The following TECPR2 variants were observed in gnomAD, a reference collection of about 807,000 sequenced individuals.
TECPR2 encodes the protein tectonin beta-propeller repeat containing 2, also known as tectonin beta-propeller repeat-containing protein 2.
TECPR2 carries 65 observed loss-of-function variants against 138.1 expected under a neutral mutation model. The observed-to-expected ratio is 0.47, with a 90% CI of 0.39 to 0.58. The LOEUF is 0.58. Ranked by LOEUF, TECPR2 falls within the 20% of genes least tolerant of loss-of-function variation. The probability of loss-of-function intolerance (pLI) is 0.00; values close to 1 mark genes in which losing one functional copy is unlikely to be tolerated. For missense variants in TECPR2, 1,553 were observed against 1,824.5 expected (o/e 0.85, Z 2.71); for synonymous variants, 746 against 749.8 (o/e 0.99, Z 0.08).
At chr14:102,495,265 G>A (rs967541649) in intron 17 of TECPR2, among the ~76,000 whole-genome samples, 1 of 152,212 alleles carries the variant, frequency 6.6e-6, no homozygotes, top group Non-Finnish European at 1.5e-5. Context: ...GGTGGGGGCA[G>A]GAGGGAGGGG....
In TECPR2 at chr14:102,424,962, C is replaced by T. The variant is rs748886787; in HGVS notation, c.639-17C>T. On this transcript the variant is annotated splice_polypyrimidine_tract_variant and intron_variant, in intron 5 of 19. Coordinates refer to ENST00000359520, the MANE Select transcript of TECPR2 (RefSeq NM_014844.5). ...CATGTCTGTTTTTTGTTCTTTCTTT[C>T]TTTCTTCTAATTTTAGTACTGGGAA... The T allele has an allele frequency of 6.3e-7, 1 of 1,590,896 alleles. No homozygotes were observed. Among genetic ancestry groups the T allele is most frequent in the South Asian group, 1.1e-5 (1 of 88,456 alleles).
rs1385342742 is a variant in TECPR2 at position 102,425,395 on chromosome 14, T to C, written c.951+104T>C. 23 of 1,190,922 alleles carry C rather than the reference T, an allele frequency of 1.9e-5. No homozygotes were observed. The East Asian group carries it at 4.9e-4, about 25-fold the overall frequency. The allele number at this position is 1,190,922 out of a possible 1,614,324, so 73.8% of individuals were successfully genotyped here. A position where few individuals can be genotyped will look rare whatever the true frequency, so the allele number is the denominator to read the frequency against. ...CCTCAGAATGCTACCAGGAGCAGTA[T>C]TGACTTACACTTTACTTTTTCCTTT... On this transcript the variant is annotated intron_variant, in intron 6 of 19. Transcript: ENST00000359520.
In TECPR2 at chr14:102,449,997, G is replaced by T. The variant is rs1186669636; in HGVS notation, c.3316+128G>T. The T allele has an allele frequency of 2.2e-6, 3 of 1,346,658 alleles. No homozygotes were observed. The Admixed American group carries it at 7.1e-5, about 32-fold the overall frequency. 83.4% of individuals were successfully genotyped at this position (1,346,658 alleles called of 1,614,324 possible). ...TAGTGCCAGTGGTATGAAGTGTCTAGTGGAGGCACTCTATGCTTTGTGATC... is the reference window on the plus strand; with the variant it reads ...TAGTGCCAGTGGTATGAAGTGTCTATTGGAGGCACTCTATGCTTTGTGATC... On this transcript the variant is annotated intron_variant, in intron 14 of 19. Coordinates refer to ENST00000359520, the MANE Select transcript of TECPR2 (RefSeq NM_014844.5).
At chr14:102,423,467 CTATTAT>C (rs369285326) in intron 5 of TECPR2, among the ~76,000 whole-genome samples, 4 of 149,394 alleles carry the variant, frequency 2.7e-5, no homozygotes, top group Admixed American at 1.3e-4. Flanking sequence ...TTTTTTGTGA[CTATTAT>C]TATTATTATT....
At position 102,497,555 on chromosome 14, in the gene TECPR2, C is replaced by A. The variant is rs746551618; in HGVS notation, c.3932-15C>A. 6.4e-7 allele frequency: 1 copy of A among 1,565,370 alleles called. No homozygotes were observed. Among genetic ancestry groups the A allele is most frequent in the South Asian group, 1.2e-5 (1 of 85,024 alleles). ...TCCATGGCAGGGGCTCAGGAGGGAC[C>A]CTGTCTGCCCACAGGGTTGCAGGCC... On this transcript the variant is annotated splice_polypyrimidine_tract_variant and intron_variant, in intron 18 of 19. Coordinates refer to ENST00000359520, the MANE Select transcript of TECPR2 (RefSeq NM_014844.5).
At position 102,437,160 on chromosome 14, in the gene TECPR2, C is replaced by T. The variant is rs545990812; in HGVS notation, c.2395-862C>T. Reference sequence around the variant, plus strand: ...CCATTTTCTTTGAAGTAGTTAACTTCTATGTGGGTATCTGTACAAATACAT... The same window carrying T: ...CCATTTTCTTTGAAGTAGTTAACTTTTATGTGGGTATCTGTACAAATACAT... On this transcript the variant is annotated intron_variant, in intron 9 of 19. Transcript: ENST00000359520. 30 of 985,394 alleles carry T rather than the reference C, an allele frequency of 3.0e-5. No individual in the cohort carries two copies. The African/African-American group carries it at 4.9e-4, about 16-fold the overall frequency. 61.0% of individuals were successfully genotyped at this position (985,394 alleles called of 1,614,324 possible). A position where few individuals can be genotyped will look rare whatever the true frequency, so the allele number is the denominator to read the frequency against.
At chr14:102,422,677 G>T (rs1567333855) in intron 5 of TECPR2, among the ~76,000 whole-genome samples, 1 of 152,214 alleles carries the variant, frequency 6.6e-6, no homozygotes, top group Non-Finnish European at 1.5e-5. Context: ...GTGAGGAAAT[G>T]ATAAAGGCAA....
intron 17 of TECPR2, among the ~76,000 whole-genome samples, chr14:102,483,958 G>C (rs1890958948): frequency 2.2e-5 from 1 of 45,102 alleles, no homozygotes; most frequent in South Asian, 9.8e-4. Context: ...CACCATGCCT[G>C]GCTGATTCTT....
intron 1 of TECPR2, among the ~76,000 whole-genome samples, chr14:102,363,725 G>A (rs538310685): frequency 1.3e-5 from 2 of 152,354 alleles, no homozygotes; most frequent in South Asian, 4.1e-4. Context: ...CTGTGCTGGG[G>A]CAAGTGCCCT....
At position 102,376,772 on chromosome 14, in the gene TECPR2, C is replaced by G. The variant is rs1395112297; in HGVS notation, c.51C>G (p.Tyr17Ter). Residue 17 changes from tyrosine to a stop codon, truncating the protein, a stop_gained, in exon 2 of 20, where the codon TAC (tyrosine) becomes TAG (stop). Coordinates refer to ENST00000359520, the MANE Select transcript of TECPR2 (RefSeq NM_014844.5). LOFTEE classifies it high-confidence loss of function. The part of the protein sequence containing the change: ...PVTFREFCPL[Y>*]YLLNAIPTKI... ...CATTCAGAGAGTTCTGCCCGTTGTA[C>G]TATCTCCTCAATGCCATTCCGACAA... 1.2e-6 allele frequency: 2 copies of G among 1,614,222 alleles called. No homozygotes were observed. The highest frequency in any genetic ancestry group is 1.7e-5 in the Admixed American group (1 of 60,028).
Position 102,434,509 on chromosome 14 carries a change from T to A in TECPR2, c.1692T>A (p.Asp564Glu). 2 of 1,562,006 alleles carry A rather than the reference T, an allele frequency of 1.3e-6. No homozygotes were observed. Among genetic ancestry groups the A allele is most frequent in the Non-Finnish European group, 1.7e-6 (2 of 1,154,220 alleles). ...GSMPDSLAEE[D>E]DIRTEMPHCH... ...TGCCTGATTCTCTGGCTGAGGAAGA[T>A]GACATTAGAACTGAAATGCCACACT... Residue 564 changes from aspartate (D) to glutamate (E), a missense_variant, in exon 9 of 20, where the codon GAT (aspartate) becomes GAA (glutamate). Transcript: ENST00000359520.
intron 17 of TECPR2, among the ~76,000 whole-genome samples, chr14:102,479,161 C>T (rs1381871012): frequency 6.6e-6 from 1 of 152,154 alleles, no homozygotes; most frequent in Non-Finnish European, 1.5e-5. Flanking sequence ...CCCAGGGTCC[C>T]AAACCTGGTT....
intron 2 of TECPR2, among the ~76,000 whole-genome samples, chr14:102,382,664 C>CCT (rs1160651109): frequency 2.0e-5 from 3 of 152,196 alleles, no homozygotes; most frequent in Admixed American, 2.0e-4. Flanking sequence ...AGAAAACATA[C>CCT]CTCAACACAT....
chr14:102,438,269 C>CT, intron 10 of TECPR2, 64 bp downstream of exon 10: 1 of 1,538,272 alleles, frequency 6.5e-7, no homozygotes, highest in Admixed American at 1.9e-5. Flanking sequence ...TCCCCGCCCC[C>CT]GGGGTGCAGA....
In TECPR2 at chr14:102,363,082, CGGGGCCGACGAGTCCGGA is replaced by C. The variant is rs950505041; in HGVS notation, c.-101_-84del. 4 of 481,042 alleles carry C rather than the reference CGGGGCCGACGAGTCCGGA, an allele frequency of 8.3e-6. No homozygotes were observed. Among genetic ancestry groups the C allele is most frequent in the Admixed American group, 4.2e-5 (1 of 24,020 alleles). 29.8% of individuals were successfully genotyped at this position (481,042 alleles called of 1,614,324 possible). On this transcript the variant is annotated 5_prime_UTR_variant, in exon 1 of 20. Coordinates refer to ENST00000359520, the MANE Select transcript of TECPR2 (RefSeq NM_014844.5). ...GTCCATCCCGCCTCCTCCGGCCCGG[CGGGGCCGACGAGTCCGGA>C]GGGGCTGCCGCGGGAGGTGAGTCCG...
intron 18 of TECPR2, 29 bp downstream of exon 18, chr14:102,497,149 G>A (rs1312700725): frequency 6.3e-7 from 1 of 1,598,974 alleles, no homozygotes; most frequent in East Asian, 2.2e-5. Context: ...GGCCTGTGGT[G>A]CCGGCCAGCC....
rs1891340626 is a variant in TECPR2 at position 102,498,127 on chromosome 14, C to T, written c.4106C>T (p.Ala1369Val). 6.2e-7 allele frequency: 1 copy of T among 1,613,348 alleles called. No individual in the cohort carries two copies. ...GTGACTGCGTCAGATGAGCTGTGGG[C>T]TGTGGGCCCGCCCGGCTACCTCCTC... The part of the protein sequence containing the change: ...FTVTASDELW[A>V]VGPPGYLLQR... The change falls in exon 20 of 20, where the codon GCT becomes GTT. Residue 1369 changes from alanine (A) to valine (V), a missense_variant. Ala to Val is a moderately conservative substitution (Grantham distance 64). Coordinates refer to ENST00000359520, the MANE Select transcript of TECPR2 (RefSeq NM_014844.5).
At chr14:102,412,540 A>T (rs1275966235) in intron 4 of TECPR2, among the ~76,000 whole-genome samples, 1 of 152,194 alleles carries the variant, frequency 6.6e-6, no homozygotes, top group African/African-American at 2.4e-5. Flanking sequence ...AGGGACAGAT[A>T]CAAGTTTTCA....
chr14:102,418,832 G>T (rs1889098209), intron 5 of TECPR2, among the ~76,000 whole-genome samples: 1 of 152,210 alleles, frequency 6.6e-6, no homozygotes, highest in Admixed American at 6.5e-5. Flanking sequence ...CAGATTTGCT[G>T]CCACGTTGGT....
Sources: gnomAD v4.1 joint callset for allele counts (sites outside exome capture counted in the v4.1 genomes callset) on GRCh38, gnomAD v4.1.1 for gene constraint, MANE v1.5 for transcripts, NCBI Gene and HGNC (gene_info 2026-07-23, HGNC 2026-07-21) for gene names.